TAF4: variants seen among roughly 807,000 people sequenced by gnomAD.
TAF4 encodes the protein TATA-box binding protein associated factor 4.
Under a neutral mutation model 90.3 loss-of-function variants are expected in TAF4, and 9 were observed. The observed-to-expected ratio is 0.10, with a 90% CI of 0.06 to 0.17. TAF4 has a LOEUF of 0.17. Ranked by LOEUF, TAF4 falls within the 10% of genes least tolerant of loss-of-function variation. TAF4 has a pLI of 1.00. For synonymous variants in TAF4, 818 were observed against 638.9 expected, an observed-to-expected ratio of 1.28 and a Z score of -4.23; for missense variants, 1,351 against 1,370.7, an observed-to-expected ratio of 0.99 and a Z score of 0.23.
chr20:62,026,253 C>T (rs1305212775), intron 1 of TAF4, among the ~76,000 whole-genome samples: 2 of 152,222 alleles, frequency 1.3e-5, no homozygotes, highest in East Asian at 3.9e-4. Context: ...AAAAACCAGG[C>T]CACGTTCAAT....
At chr20:62,045,076 TCA>T (rs1299391564) in intron 1 of TAF4, among the ~76,000 whole-genome samples, 1 of 152,052 alleles carries the variant, frequency 6.6e-6, no homozygotes, top group Non-Finnish European at 1.5e-5. Context: ...AAAAGAAAAC[TCA>T]CAACGCCGAC....
chr20:62,039,550 C>T (rs565179791), intron 1 of TAF4, among the ~76,000 whole-genome samples: 1 of 152,266 alleles, frequency 6.6e-6, no homozygotes, highest in African/African-American at 2.4e-5. Flanking sequence ...CTTAAAATGA[C>T]TCACTGGATT....
At chr20:62,042,134 CT>C (rs1488908459) in intron 1 of TAF4, among the ~76,000 whole-genome samples, 1 of 152,174 alleles carries the variant, frequency 6.6e-6, no homozygotes, top group Non-Finnish European at 1.5e-5. Context: ...TGCCACGCCC[CT>C]ATCTGGTGCC....
intron 1 of TAF4, among the ~76,000 whole-genome samples, chr20:62,053,880 T>G (rs924229143): frequency 9.9e-5 from 15 of 152,228 alleles, no homozygotes; most frequent in Non-Finnish European, 1.5e-4. Flanking sequence ...AGACCAGGAG[T>G]GCCTCTTGGC....
At chr20:62,014,763 G>A in intron 1 of TAF4, 56 bp from the exon 2 acceptor site, 5 of 1,581,824 alleles carry the variant, frequency 3.2e-6, no homozygotes, top group Non-Finnish European at 4.3e-6. Flanking sequence ...GCCATGAGGA[G>A]GCCCTGGCCT....
Position 62,010,128 on chromosome 20 carries a change from G to A in TAF4, c.1679C>T (p.Ser560Leu). ...LVLGGAAQTASLGTATAVQTG... is the reference protein window; with the variant it reads ...LVLGGAAQTALLGTATAVQTG... ...CTGAACAGCCGTCGCCGTCCCAAGTGAAGCCGTCTGGGCAGCGCCACCCAG... is the reference window on the plus strand; with the variant it reads ...CTGAACAGCCGTCGCCGTCCCAAGTAAAGCCGTCTGGGCAGCGCCACCCAG... Residue 560 changes from serine to leucine, a missense_variant, in exon 4 of 15, where the codon TCA becomes TTA. This residue lies in a region of TAF4 where 143 missense variants were observed against 176.3 expected (regional missense o/e 0.81). Transcript: ENST00000252996. This position sits in a 1 kb window ranked among gnomAD's most constrained non-coding sequence, Gnocchi z 4.5. 6.2e-7 allele frequency: 1 copy of A among 1,613,914 alleles called. No individual in the cohort carries two copies.
chr20:62,009,231 A>G, intron 4 of TAF4, 57 bp from the exon 5 acceptor site: 9 of 1,525,142 alleles, frequency 5.9e-6, no homozygotes, highest in Non-Finnish European at 8.0e-6. Flanking sequence ...TTTTTGTCAC[A>G]GCCTTTGGTT....
chr20:62,006,337 C>T lies in TAF4; in HGVS notation c.2223+173G>A, dbSNP rs1220776874. 1 of 892,806 alleles carries T rather than the reference C, an allele frequency of 1.1e-6. No individual in the cohort carries two copies. The highest frequency in any genetic ancestry group is 1.5e-6 in the Non-Finnish European group (1 of 671,700). The allele number at this position is 892,806 out of a possible 1,614,324, so 55.3% of individuals were successfully genotyped here. A position where few individuals can be genotyped will look rare whatever the true frequency, so the allele number is the denominator to read the frequency against. ...TGAGACAAAATACAACATCCCAGGGCCTCAACCTCTGGTTTCTATTTTAAC... is the reference window on the plus strand; with the variant it reads ...TGAGACAAAATACAACATCCCAGGGTCTCAACCTCTGGTTTCTATTTTAAC... On this transcript the variant is annotated intron_variant, in intron 7 of 14. Coordinates refer to ENST00000252996, the MANE Select transcript of TAF4 (RefSeq NM_003185.4). This position sits in a 1 kb window ranked among gnomAD's most constrained non-coding sequence, Gnocchi z 7.0.
chr20:61,989,192 A>G (rs1022617173), intron 14 of TAF4, among the ~76,000 whole-genome samples: 4 of 151,996 alleles, frequency 2.6e-5, no homozygotes, highest in African/African-American at 7.3e-5. Flanking sequence ...CCCTACATGC[A>G]TTTGGGTCCC....
intron 2 of TAF4, 129 bp from the exon 3 acceptor site, chr20:62,013,063 G>T: frequency 7.6e-7 from 1 of 1,309,302 alleles, no homozygotes; most frequent in Non-Finnish European, 1.0e-6. Flanking sequence ...TCCGTGATCT[G>T]CAATGAAGCC....
At chr20:62,023,746 T>A (rs1192639039) in intron 1 of TAF4, among the ~76,000 whole-genome samples, 4 of 12,538 alleles carry the variant, frequency 3.2e-4, no homozygotes, top group African/African-American at 8.5e-4. Context: ...AGACTCCATC[T>A]CAAAAAAAAA....
intron 1 of TAF4, among the ~76,000 whole-genome samples, chr20:62,060,581 G>A (rs879912259): frequency 2.6e-5 from 4 of 152,250 alleles, no homozygotes; most frequent in Admixed American, 1.3e-4. Context: ...CCAGAGCGGC[G>A]CCCTTGCCCT....
chr20:62,023,747 C>CAAAAAAAAAAAAAA (rs59813943), intron 1 of TAF4, among the ~76,000 whole-genome samples: 6 of 59,560 alleles, frequency 1.0e-4, no homozygotes, highest in African/African-American at 2.8e-4. Flanking sequence ...GACTCCATCT[C>CAAAAAAAAAAAAAA]AAAAAAAAAA....
rs369309204 is a variant in TAF4 at position 62,064,500 on chromosome 20, C to A, written c.1311G>T (p.Pro437=). ...LTPTVLAPRL[P]QPPQNPTNIQ... is the part of the protein sequence containing the mutation. ...TGTTGGTCGGGTTCTGAGGCGGCTG[C>A]GGCAAGCGGGGGGCCAGCACGGTGG... The change falls in exon 1 of 15, where the codon CCG becomes CCT. Residue 437 remains proline, a synonymous_variant. Coordinates refer to ENST00000252996, the MANE Select transcript of TAF4 (RefSeq NM_003185.4). 2.1e-5 allele frequency: 32 copies of A among 1,516,372 alleles called. No homozygotes were observed. Among genetic ancestry groups the A allele is most frequent in the African/African-American group, 7.1e-5 (5 of 70,734 alleles). The allele number at this position is 1,516,372 out of a possible 1,614,324, so 93.9% of individuals were successfully genotyped here.
rs2055692299 is a variant in TAF4, at chr20:62,000,427, A to C, written c.2656+125T>G. 9.9e-6 allele frequency: 14 copies of C among 1,407,194 alleles called. No homozygotes were observed. In the East Asian group the frequency reaches 3.2e-4, roughly 32 times the overall value. 87.2% of individuals were successfully genotyped at this position (1,407,194 alleles called of 1,614,324 possible). ...ATTTTACCCAAGAACCACCACCAGCAACCATGTGGAAATCACAAACTCAGA... is the reference window on the plus strand; with the variant it reads ...ATTTTACCCAAGAACCACCACCAGCCACCATGTGGAAATCACAAACTCAGA... On this transcript the variant is annotated intron_variant, in intron 10 of 14. Transcript: ENST00000252996.
intron 14 of TAF4, among the ~76,000 whole-genome samples, chr20:61,986,750 G>GA (rs1277785607): frequency 6.6e-6 from 1 of 152,212 alleles, no homozygotes; most frequent in Non-Finnish European, 1.5e-5. Flanking sequence ...GTTACCTACA[G>GA]AAAAAAATAA....
rs2055490696 is a variant in TAF4 at position 61,975,816 on chromosome 20, G to A, written c.*352C>T. 1 of 259,516 alleles carries A rather than the reference G, an allele frequency of 3.9e-6. No individual in the cohort carries two copies. 16.1% of individuals were successfully genotyped at this position (259,516 alleles called of 1,614,324 possible). ...GACATACACCTACATAGTAAGTTAG[G>A]TAGAACTAAACCAAAATGCACAAAT... On this transcript the variant is annotated 3_prime_UTR_variant, in exon 15 of 15. Coordinates refer to ENST00000252996, the MANE Select transcript of TAF4 (RefSeq NM_003185.4).
At chr20:61,993,419 G>T (rs6061946) in intron 14 of TAF4, among the ~76,000 whole-genome samples, 7,234 of 152,286 alleles carry the variant, frequency 0.048, 392 homozygotes, top group African/African-American at 0.14. Context: ...CAATCCTGAC[G>T]CAGGACACAC....
chr20:61,983,049 C>T (rs1023994898), intron 14 of TAF4, among the ~76,000 whole-genome samples: 12 of 152,134 alleles, frequency 7.9e-5, no homozygotes, highest in African/African-American at 2.2e-4. Context: ...CTGAGTGAGG[C>T]GGAGGCGGGA....
Sources: allele counts gnomAD v4.1 joint callset (sites outside exome capture counted in the v4.1 genomes callset), GRCh38; gene constraint gnomAD v4.1.1; regional missense constraint gnomAD v4.1.1; non-coding constraint Gnocchi (gnomAD v3.1); transcripts MANE v1.5; gene names NCBI Gene and HGNC (gene_info 2026-07-23, HGNC 2026-07-21).